Variants in DOCK1 observed in about 807,000 individuals in gnomAD.
The protein encoded by DOCK1 is dedicator of cytokinesis 1.
In DOCK1, 138 loss-of-function variants were observed where a neutral mutation model predicts 262.7. The ratio of observed to expected loss-of-function variants is 0.53; its 90% CI spans 0.46 to 0.61. The LOEUF is 0.61. DOCK1 is among the 20% of genes least tolerant of loss of function. The pLI is 0.00. For missense variants in DOCK1, 1,908 were observed against 2,370.7 expected (o/e 0.80, Z 4.05); for synonymous variants, 866 against 867.4 (o/e 1.00, Z 0.03).
At position 127,125,620 on chromosome 10, in the gene DOCK1, C is replaced by T. The variant is rs769714152; in HGVS notation, c.2751+19C>T. 28 of 1,603,498 alleles carry T rather than the reference C, an allele frequency of 1.7e-5. No homozygotes were observed. The highest frequency in any genetic ancestry group is 5.4e-5 in the African/African-American group (4 of 74,496). Reference sequence around the variant, plus strand: ...GGACGTGGTGAGTGTTGGCTCTGTGCGTGACGTCCTGCCATTTGCCTGAAC... The same window carrying T: ...GGACGTGGTGAGTGTTGGCTCTGTGTGTGACGTCCTGCCATTTGCCTGAAC... On this transcript the variant is annotated intron_variant, in intron 26 of 51. Transcript: ENST00000623213.
At chr10:127,092,152 C>G (rs766577264) in intron 23 of DOCK1, among the ~76,000 whole-genome samples, 1 of 152,170 alleles carries the variant, frequency 6.6e-6, no homozygotes, top group African/African-American at 2.4e-5. Context: ...CCCATCACTG[C>G]GGAAAGTTCT....
chr10:127,291,498 C>T (rs1249648055), intron 29 of DOCK1, among the ~76,000 whole-genome samples: 1 of 152,174 alleles, frequency 6.6e-6, no homozygotes, highest in Non-Finnish European at 1.5e-5. Context: ...GTGGCCAGTG[C>T]CAGAGTCTTA....
At chr10:127,156,213 A>G (rs75023144) in intron 27 of DOCK1, among the ~76,000 whole-genome samples, 11,843 of 152,154 alleles carry the variant, frequency 0.078, 1,282 homozygotes, top group African/African-American at 0.24. Context: ...CCAGTGCCTC[A>G]CTTGCATTAG....
At chr10:127,076,354 A>AAC (rs2046549027) in intron 23 of DOCK1, among the ~76,000 whole-genome samples, 2 of 152,296 alleles carry the variant, frequency 1.3e-5, no homozygotes, top group African/African-American at 4.8e-5. Flanking sequence ...ACAAAAAATT[A>AAC]GCTAGGCGTG....
chr10:127,026,268 G>T (rs1821560981), intron 15 of DOCK1, 84 bp from the exon 16 acceptor site: 1 of 1,252,898 alleles, frequency 8.0e-7, no homozygotes, highest in Admixed American at 2.0e-5. Flanking sequence ...GTTTACAGTT[G>T]TACCTGATAG....
chr10:127,332,475 G>A (rs915473989), intron 29 of DOCK1, among the ~76,000 whole-genome samples: 2 of 152,052 alleles, frequency 1.3e-5, no homozygotes, highest in African/African-American at 2.4e-5. Context: ...TCCCTTCCTC[G>A]CTTTAAAATC....
intron 29 of DOCK1, among the ~76,000 whole-genome samples, chr10:127,278,074 C>T (rs554583725): frequency 6.6e-6 from 1 of 152,308 alleles, no homozygotes; most frequent in Admixed American, 6.5e-5. Flanking sequence ...GCTGTAGACA[C>T]CACATGATCA....
chr10:127,201,472 T>A lies in DOCK1; in HGVS notation c.2848-46536T>A, dbSNP rs1034870521. On this transcript the variant is annotated intron_variant, in intron 27 of 51. Transcript: ENST00000623213. Reference sequence around the variant, plus strand: ...TTTATTGGCCTGAAATACAAATTTGTTTTGGAAAACCTGAGCATCGTGAGG... The same window carrying A: ...TTTATTGGCCTGAAATACAAATTTGATTTGGAAAACCTGAGCATCGTGAGG... Among the ~76,000 whole-genome samples, 3 of 152,208 alleles carry A rather than the reference T, an allele frequency of 2.0e-5. No individual in the cohort carries two copies. In the East Asian group the frequency reaches 5.8e-4, roughly 29 times the overall value.
chr10:127,048,617 G>A (rs545761151), intron 21 of DOCK1, among the ~76,000 whole-genome samples: 4 of 152,282 alleles, frequency 2.6e-5, no homozygotes, highest in African/African-American at 9.6e-5. Context: ...ACTGTCTAAT[G>A]TCACAGCACT....
chr10:127,365,034 T>A (rs1324214184), intron 33 of DOCK1, among the ~76,000 whole-genome samples: 2 of 143,144 alleles, frequency 1.4e-5, no homozygotes, highest in Non-Finnish European at 3.1e-5. Context: ...ATTGTAAATA[T>A]TATACCTAGA....
chr10:126,996,378 C>CAAAA (rs55841173), intron 6 of DOCK1, among the ~76,000 whole-genome samples: 1 of 95,554 alleles, frequency 1.0e-5, no homozygotes. Flanking sequence ...GAGACTGTCT[C>CAAAA]AAAAAAAAAA....
intron 4 of DOCK1, among the ~76,000 whole-genome samples, chr10:126,983,385 C>A (rs1036585354): frequency 6.6e-6 from 1 of 152,154 alleles, no homozygotes; most frequent in Non-Finnish European, 1.5e-5. Context: ...CTGGTCCTTT[C>A]CCCTTTCTAG....
intron 10 of DOCK1, among the ~76,000 whole-genome samples, chr10:127,006,472 C>G (rs1739842317): frequency 6.6e-6 from 1 of 152,208 alleles, no homozygotes; most frequent in Admixed American, 6.5e-5. Flanking sequence ...GGCTGGCTGG[C>G]TGGGGGAATT....
rs376069907 is a variant in DOCK1 at position 126,981,980 on chromosome 10, C to G, written c.227+7C>G. ...CGATAGTTGAAGGAAAAGGGTGAGTCTGGTCTTGATGTTTAAATGAAGAAT... is the reference window on the plus strand; with the variant it reads ...CGATAGTTGAAGGAAAAGGGTGAGTGTGGTCTTGATGTTTAAATGAAGAAT... On this transcript the variant is annotated splice_region_variant and intron_variant, in intron 4 of 51. Transcript: ENST00000623213. The G allele has an allele frequency of 1.5e-5, 24 of 1,612,954 alleles. No individual in the cohort carries two copies. In the African/African-American group the frequency reaches 2.7e-4, roughly 18 times the overall value.
chr10:127,022,399 A>G (rs1331297921), intron 13 of DOCK1, among the ~76,000 whole-genome samples: 1 of 152,016 alleles, frequency 6.6e-6, no homozygotes, highest in Admixed American at 6.5e-5. Context: ...TTACATATGT[A>G]TGCATGTGCC....
chr10:126,929,541 C>T (rs1351831142), intron 1 of DOCK1, among the ~76,000 whole-genome samples: 2 of 151,838 alleles, frequency 1.3e-5, no homozygotes, highest in Non-Finnish European at 2.9e-5. Flanking sequence ...TGGAGGACGC[C>T]GAGGATGTGG....
intron 27 of DOCK1, among the ~76,000 whole-genome samples, chr10:127,247,640 C>T (rs2059476464): frequency 6.6e-6 from 1 of 152,170 alleles, no homozygotes; most frequent in Non-Finnish European, 1.5e-5. Context: ...TATCAGGAAA[C>T]ACTTGAGGTA....
intron 27 of DOCK1, chr10:127,137,788 A>C (rs2050825062): frequency 6.5e-7 from 1 of 1,528,934 alleles, no homozygotes; most frequent in Non-Finnish European, 8.9e-7. Context: ...ATTGACTTAA[A>C]CTCCAGTGGG....
At position 127,348,396 on chromosome 10, in the gene DOCK1, T is replaced by C. The variant is rs76024079; in HGVS notation, c.3224+4650T>C. Among the ~76,000 whole-genome samples, 681 of 152,334 alleles carry C rather than the reference T, an allele frequency of 4.5e-3. 4 individuals are homozygous for C. The highest frequency in any genetic ancestry group is 0.016 in the African/African-American group (653 of 41,582). ...AGCAGCCAGCTTGATAATTTTGTTA[T>C]GTAAGACACGTGCATCCTGGTGTGG... On this transcript the variant is annotated intron_variant, in intron 31 of 51. Transcript: ENST00000623213.
Sources: allele counts gnomAD v4.1 joint callset (sites outside exome capture counted in the v4.1 genomes callset), GRCh38; gene constraint gnomAD v4.1.1; transcripts MANE v1.5; gene names NCBI Gene and HGNC (gene_info 2026-07-23, HGNC 2026-07-21).